NT5DC3: variants seen among roughly 807,000 people sequenced by gnomAD.
NT5DC3 encodes 5'-nucleotidase domain-containing protein 3.
Under a neutral mutation model 67.8 loss-of-function variants are expected in NT5DC3, and 42 were observed. That is an observed-to-expected ratio of 0.62 (90% CI 0.48 to 0.80). NT5DC3 has a LOEUF of 0.80. Ranked by LOEUF, NT5DC3 falls within the 30% of genes least tolerant of loss-of-function variation. NT5DC3 has a pLI of 0.00. For missense variants in NT5DC3, 570 were observed against 696.4 expected (o/e 0.82, Z 2.04); for synonymous variants, 237 against 255.6 (o/e 0.93, Z 0.69).
Position 103,777,154 on chromosome 12 carries a change from CCTCCTCCATG to C in NT5DC3, c.*665_*674del, listed in dbSNP as rs3841223. 43,719 of 152,014 alleles carry C rather than the reference CCTCCTCCATG, an allele frequency of 0.29. 6,452 individuals carry two copies. Among genetic ancestry groups the C allele is most frequent in the South Asian group, 0.47 (2,260 of 4,804 alleles). 9.4% of individuals were successfully genotyped at this position (152,014 alleles called of 1,614,324 possible). ...AGAGCTCTCATCTCCTCTCTCCTGC[CCTCCTCCATG>C]CTGGGGAAGGACGCAGGAACCACAC... On this transcript the variant is annotated 3_prime_UTR_variant, in exon 14 of 14. Coordinates refer to ENST00000392876, the MANE Select transcript of NT5DC3 (RefSeq NM_001031701.3).
chr12:103,760,012 G>C, the NT5DC3 span, among the ~76,000 whole-genome samples: 3 of 152,344 alleles, frequency 2.0e-5, no homozygotes, highest in East Asian at 5.8e-4. Context: ...CTAAGAAATA[G>C]ATGGTGGATA....
chr12:103,755,363 C>A, the NT5DC3 span: 4 of 1,614,154 alleles, frequency 2.5e-6, no homozygotes, highest in East Asian at 2.2e-5. Flanking sequence ...TACCCCACAG[C>A]CTTCGCCTCC....
At chr12:103,784,271 C>G (rs1417086396) in intron 12 of NT5DC3, among the ~76,000 whole-genome samples, 2 of 152,234 alleles carry the variant, frequency 1.3e-5, no homozygotes, top group East Asian at 3.8e-4. Context: ...GCGAGGGAAA[C>G]AGAATAAATC....
intron 1 of NT5DC3, among the ~76,000 whole-genome samples, chr12:103,839,592 T>C (rs546325945): frequency 6.6e-5 from 10 of 151,722 alleles, no homozygotes; most frequent in African/African-American, 2.2e-4. Flanking sequence ...CAATAAGAAT[T>C]ACAAGTTAAA....
At chr12:103,754,632 G>A in the NT5DC3 span, among the ~76,000 whole-genome samples, 1 of 152,040 alleles carries the variant, frequency 6.6e-6, no homozygotes, top group Non-Finnish European at 1.5e-5. Context: ...AACGATGAGA[G>A]CAATGATGAT....
At chr12:103,834,672 A>C (rs1888070521) in intron 1 of NT5DC3, among the ~76,000 whole-genome samples, 1 of 152,226 alleles carries the variant, frequency 6.6e-6, no homozygotes, top group South Asian at 2.1e-4. Flanking sequence ...TGTAAATCTA[A>C]AGCTGATCTA....
At position 103,841,027 on chromosome 12, in the gene NT5DC3, A is replaced by C; in HGVS notation, c.130T>G (p.Cys44Gly). 7.8e-7 allele frequency: 1 copy of C among 1,280,372 alleles called. No individual in the cohort carries two copies. The highest frequency in any genetic ancestry group is 9.9e-7 in the Non-Finnish European group (1 of 1,013,288). The allele number at this position is 1,280,372 out of a possible 1,614,324, so 79.3% of individuals were successfully genotyped here. A position where few individuals can be genotyped will look rare whatever the true frequency, so the allele number is the denominator to read the frequency against. The change falls in exon 1 of 14, where the codon TGC becomes GGC. Residue 44 changes from cysteine (C) to glycine (G), a missense_variant. This residue lies in a region of NT5DC3 where 104 missense variants were observed against 88.4 expected (regional missense o/e 1.18). Transcript: ENST00000392876. ...RPCAGPARPL[C>G]TAPGTAPDMK... The stretch of plus-strand genomic sequence containing the variant: ...TCCGGGGCGGTCCCGGGTGCAGTGC[A>C]CAAGGGCCGGGCGGGGCCCGCACAC...
the NT5DC3 span, among the ~76,000 whole-genome samples, chr12:103,761,971 G>A: frequency 6.6e-6 from 1 of 152,206 alleles, no homozygotes; most frequent in Non-Finnish European, 1.5e-5. Flanking sequence ...TCCAAAGCCA[G>A]ACTGGGTTCA....
chr12:103,827,433 G>A (rs552262479), intron 1 of NT5DC3, among the ~76,000 whole-genome samples: 2 of 152,236 alleles, frequency 1.3e-5, no homozygotes, highest in South Asian at 2.1e-4. Context: ...AATTTAAAGT[G>A]TATAAAAGAG....
chr12:103,771,740 G>C (rs913172257), downstream of NT5DC3, among the ~76,000 whole-genome samples: 1 of 152,152 alleles, frequency 6.6e-6, no homozygotes, highest in Non-Finnish European at 1.5e-5. Flanking sequence ...ATTCCACATC[G>C]TCGGGATTTC....
chr12:103,789,079 G>A (rs4964820), intron 9 of NT5DC3, 160 bp from the exon 10 acceptor site: 257,189 of 610,780 alleles, frequency 0.42, 61,189 homozygotes, highest in East Asian at 0.87. Flanking sequence ...CTAATTCAAT[G>A]CGTCCCAAAT....
Position 103,814,997 on chromosome 12 carries a change from T to C in NT5DC3, c.333A>G (p.Ser111=), listed in dbSNP as rs1887187896. The C allele has an allele frequency of 6.2e-7, 1 of 1,613,746 alleles. No individual in the cohort carries two copies. The highest frequency in any genetic ancestry group is 8.5e-7 in the Non-Finnish European group (1 of 1,179,798). The change falls in exon 2 of 14, where the codon TCA becomes TCG. Residue 111 remains serine, a synonymous_variant. Transcript: ENST00000392876. ...FDYDYTLVFY[S]KHLHTLIFNA... Reference sequence around the variant, plus strand: ...TAAATATCAGCGTGTGGAGGTGCTTTGAATAAAACACCAAGGTGTAATCAT... The same window carrying C: ...TAAATATCAGCGTGTGGAGGTGCTTCGAATAAAACACCAAGGTGTAATCAT...
the NT5DC3 span, chr12:103,761,448 G>A: frequency 6.4e-7 from 1 of 1,569,708 alleles, no homozygotes; most frequent in Non-Finnish European, 8.8e-7. Context: ...GCCAGGAGGA[G>A]CCCCGGTGCC....
chr12:103,781,225 G>A (rs927477164), intron 12 of NT5DC3, among the ~76,000 whole-genome samples: 1 of 152,218 alleles, frequency 6.6e-6, no homozygotes, highest in Non-Finnish European at 1.5e-5. Context: ...CATGACCACA[G>A]GGGTAACCTT....
chr12:103,804,257 C>T (rs759801319), intron 4 of NT5DC3, among the ~76,000 whole-genome samples: 4 of 152,196 alleles, frequency 2.6e-5, no homozygotes, highest in African/African-American at 4.8e-5. Context: ...ATAGACAAGA[C>T]ATTTCCACAA....
Position 103,786,575 on chromosome 12 carries a change from T to C in NT5DC3, c.1188+866A>G, listed in dbSNP as rs140287728. ...AGGTTTTAAAAGAAGTGGTAGCTGA[T>C]TTATAGTTTTAAAGGTTCAGTCTGG... On this transcript the variant is annotated intron_variant, in intron 11 of 13. Transcript: ENST00000392876. Among the ~76,000 whole-genome samples, 60 of 152,290 alleles carry C rather than the reference T, an allele frequency of 3.9e-4. 1 individual carries two copies. The East Asian group carries it at 0.011, about 27-fold the overall frequency.
At chr12:103,826,722 TACAGAG>T (rs1887712752) in intron 1 of NT5DC3, among the ~76,000 whole-genome samples, 1 of 152,218 alleles carries the variant, frequency 6.6e-6, no homozygotes, top group Non-Finnish European at 1.5e-5. Context: ...GAAAATTAAA[TACAGAG>T]ACAATCTGCC....
At chr12:103,803,076 G>A (rs529286597) in intron 4 of NT5DC3, among the ~76,000 whole-genome samples, 7 of 152,252 alleles carry the variant, frequency 4.6e-5, no homozygotes, top group South Asian at 4.2e-4. Flanking sequence ...AACAGAGATG[G>A]AGAGACAGAA....
chr12:103,766,402 C>T, downstream of NT5DC3: 1 of 1,535,680 alleles, frequency 6.5e-7, no homozygotes, highest in Non-Finnish European at 8.8e-7. Flanking sequence ...GAATTCTCAG[C>T]ACCAGTTGCC....
Sources: gnomAD v4.1 joint callset for allele counts (sites outside exome capture counted in the v4.1 genomes callset) on GRCh38, gnomAD v4.1.1 for gene constraint, gnomAD v4.1.1 regional missense constraint, MANE v1.5 for transcripts, NCBI Gene and HGNC (gene_info 2026-07-23, HGNC 2026-07-21) for gene names.